ANO10: variants seen among roughly 807,000 people sequenced by gnomAD.
ANO10 encodes anoctamin-10.
In ANO10, 77 loss-of-function variants were observed where a neutral mutation model predicts 74.7. The ratio of observed to expected loss-of-function variants is 1.03; its 90% confidence interval spans 0.86 to 1.25. The LOEUF is 1.25. Ranked by LOEUF, ANO10 falls within the 50% of genes most tolerant of loss-of-function variation. The pLI, the probability that ANO10 is intolerant of heterozygous loss-of-function variation, is 0.00. For missense variants in ANO10, 721 were observed against 778.1 expected (o/e 0.93, Z 0.87); for synonymous variants, 279 against 284.9 (o/e 0.98, Z 0.21).
intron 11 of ANO10, among the ~76,000 whole-genome samples, chr3:43,444,199 TAGGGTG>T (rs1453091046): frequency 6.6e-6 from 1 of 152,054 alleles, no homozygotes; most frequent in Non-Finnish European, 1.5e-5. Context: ...CATTTGTCCC[TAGGGTG>T]AGAAAGCTGG....
intron 12 of ANO10, among the ~76,000 whole-genome samples, chr3:43,373,230 C>T (rs1431815959): frequency 4.6e-5 from 7 of 151,516 alleles, no homozygotes; most frequent in Non-Finnish European, 8.8e-5. Flanking sequence ...GGTGGAGTGA[C>T]GGGCGAGTGT....
chr3:43,470,341 C>G lies in ANO10; in HGVS notation c.1798-37614G>C, dbSNP rs138661745. 7.2e-4 allele frequency among the ~76,000 whole-genome samples: 110 copies of G among 152,112 alleles called. 1 individual carries two copies. Among genetic ancestry groups the G allele is most frequent in the African/African-American group, 2.2e-3 (92 of 41,516 alleles). On this transcript the variant is annotated intron_variant, in intron 11 of 12. Transcript: ENST00000292246. ...GCTATGGGGAGTATGGGAGATATAT[C>G]GTAATTCTTTTGTTTTTGTTTTTTC...
At chr3:43,453,161 G>C (rs529392339) in intron 11 of ANO10, among the ~76,000 whole-genome samples, 6 of 148,606 alleles carry the variant, frequency 4.0e-5, no homozygotes, top group African/African-American at 1.5e-4. Flanking sequence ...ATGAAGCCCA[G>C]TTTATCTTCT....
At position 43,561,220 on chromosome 3, in the gene ANO10, C is replaced by A. The variant is rs753406928; in HGVS notation, c.1476G>T (p.Leu492Phe). ...TTAATTCAGCAATATTCCAACTTAC[C>A]AAATAAGTTCCCATTTCTTTTTCCA... ...VILEKEMGTY[L>F]GTFDDYLELF... The change falls in exon 9 of 13, where the codon TTG becomes TTT. Residue 492 changes from leucine to phenylalanine, a missense_variant and splice_region_variant. Coordinates refer to ENST00000292246, the MANE Select transcript of ANO10 (RefSeq NM_018075.5). 6.2e-7 allele frequency: 1 copy of A among 1,613,834 alleles called. No individual in the cohort carries two copies. The highest frequency in any genetic ancestry group is 8.5e-7 in the Non-Finnish European group (1 of 1,179,864).
chr3:43,410,949 C>T (rs2092654944), intron 12 of ANO10, among the ~76,000 whole-genome samples: 1 of 151,756 alleles, frequency 6.6e-6, no homozygotes, highest in Non-Finnish European at 1.5e-5. Flanking sequence ...GACTGCAGTT[C>T]TGGTAACATG....
At chr3:43,455,202 C>T (rs2075072042) in intron 11 of ANO10, among the ~76,000 whole-genome samples, 1 of 151,972 alleles carries the variant, frequency 6.6e-6, no homozygotes, top group Admixed American at 6.6e-5. Context: ...GAAGGAGGCA[C>T]TGGAGGACTG....
intron 12 of ANO10, among the ~76,000 whole-genome samples, chr3:43,403,238 G>A (rs1171476154): frequency 6.6e-6 from 1 of 152,212 alleles, no homozygotes; most frequent in Non-Finnish European, 1.5e-5. Context: ...AACTCACAGA[G>A]GTGCCACAGA....
At chr3:43,392,436 T>C (rs1416055075) in intron 12 of ANO10, among the ~76,000 whole-genome samples, 1 of 152,224 alleles carries the variant, frequency 6.6e-6, no homozygotes, top group Non-Finnish European at 1.5e-5. Context: ...ATCAGCCTGA[T>C]AAATCATGGA....
intron 1 of ANO10, among the ~76,000 whole-genome samples, chr3:43,639,405 G>A (rs1458624237): frequency 1.3e-5 from 2 of 152,200 alleles, no homozygotes; most frequent in Non-Finnish European, 2.9e-5. Flanking sequence ...TAGCACTAAT[G>A]TTTAAGACAT....
chr3:43,501,726 G>A (rs889486900), intron 11 of ANO10, among the ~76,000 whole-genome samples: 3 of 152,200 alleles, frequency 2.0e-5, no homozygotes, highest in African/African-American at 7.2e-5. Context: ...ACACATGACT[G>A]ATATTCTGCT....
intron 1 of ANO10, among the ~76,000 whole-genome samples, chr3:43,672,369 A>G (rs1226292774): frequency 6.6e-6 from 1 of 152,106 alleles, no homozygotes; most frequent in Non-Finnish European, 1.5e-5. Flanking sequence ...ACAAAAAATT[A>G]AAAGAAATAA....
chr3:43,433,726 G>A (rs113313132), intron 11 of ANO10, among the ~76,000 whole-genome samples: 2,082 of 152,148 alleles, frequency 0.014, 54 homozygotes, highest in African/African-American at 0.047. Flanking sequence ...TGGTAATCCC[G>A]CTGTTCAGAT....
intron 1 of ANO10, among the ~76,000 whole-genome samples, chr3:43,689,000 A>G (rs2084313413): frequency 6.6e-6 from 1 of 152,182 alleles, no homozygotes. Context: ...AAGCGGGAGC[A>G]GGCATCTTAC....
intron 1 of ANO10, among the ~76,000 whole-genome samples, chr3:43,652,050 T>C (rs2083793524): frequency 6.6e-6 from 1 of 151,880 alleles, no homozygotes; most frequent in Non-Finnish European, 1.5e-5. Context: ...GATTTAATAT[T>C]GTCAAGATGG....
At chr3:43,529,450 C>A (rs1255693149) in intron 11 of ANO10, among the ~76,000 whole-genome samples, 2 of 152,062 alleles carry the variant, frequency 1.3e-5, no homozygotes, top group African/African-American at 4.8e-5. Context: ...AGGCCCTGCC[C>A]AAGAGGTCCA....
chr3:43,502,750 C>T (rs945597282), intron 11 of ANO10, among the ~76,000 whole-genome samples: 2 of 152,178 alleles, frequency 1.3e-5, no homozygotes, highest in African/African-American at 4.8e-5. Flanking sequence ...GAATATTATT[C>T]AGCCTTAAAA....
intron 1 of ANO10, among the ~76,000 whole-genome samples, chr3:43,679,742 C>A (rs2084170143): frequency 6.6e-6 from 1 of 152,204 alleles, no homozygotes; most frequent in African/African-American, 2.4e-5. Context: ...TGAGACAAAA[C>A]TTCCAGAAGA....
chr3:43,617,721 T>C lies in ANO10; in HGVS notation c.-12+4188A>G, dbSNP rs1422649553. 2.0e-5 allele frequency among the ~76,000 whole-genome samples: 3 copies of C among 151,970 alleles called. No individual in the cohort carries two copies. In the East Asian group the frequency reaches 5.8e-4, roughly 29 times the overall value. ...TCTGGGGATTATTCTTTTCCTGAAT[T>C]TGGGTAAAGAAAAAAAAAGTCAATG... On this transcript the variant is annotated intron_variant, in intron 1 of 12. Transcript: ENST00000292246.
At chr3:43,503,594 T>C (rs2077177197) in intron 11 of ANO10, among the ~76,000 whole-genome samples, 1 of 152,218 alleles carries the variant, frequency 6.6e-6, no homozygotes, top group Admixed American at 6.5e-5. Flanking sequence ...CACTCCCCCT[T>C]TGACTAATAT....
Sources: allele counts gnomAD v4.1 joint callset (sites outside exome capture counted in the v4.1 genomes callset), GRCh38; gene constraint gnomAD v4.1.1; transcripts MANE v1.5; gene names NCBI Gene and HGNC (gene_info 2026-07-23, HGNC 2026-07-21).